The following MECOM variants were observed in gnomAD, a reference collection of about 807,000 sequenced individuals.
The protein encoded by MECOM is histone-lysine N-methyltransferase MECOM.
MECOM carries 13 observed loss-of-function variants against 116.3 expected under a neutral mutation model. The ratio of observed to expected loss-of-function variants is 0.11; its 90% CI spans 0.07 to 0.18. The LOEUF (loss-of-function observed/expected upper bound fraction) is 0.18. Among genes scored for constraint, MECOM ranks in the 10% least tolerant of loss-of-function variants. The pLI, the probability that MECOM is intolerant of heterozygous loss-of-function variation, is 1.00. For missense variants in MECOM, 1,299 were observed against 1,509.0 expected (o/e 0.86, Z 2.31); for synonymous variants, 528 against 535.2 (o/e 0.99, Z 0.19).
At chr3:169,347,280 A>C (rs534321336) in intron 2 of MECOM, among the ~76,000 whole-genome samples, 1 of 152,186 alleles carries the variant, frequency 6.6e-6, no homozygotes, top group South Asian at 2.1e-4. Context: ...AGTTAATTAA[A>C]TAAATATTTA....
In MECOM at chr3:169,507,650, C is replaced by CTTTTTTTTTT. The variant is rs1165167849; in HGVS notation, c.38-126136_38-126127dup. Among the ~76,000 whole-genome samples, 212 of 57,138 alleles carry CTTTTTTTTTT rather than the reference C, an allele frequency of 3.7e-3. 49 individuals are homozygous for CTTTTTTTTTT. Among genetic ancestry groups the CTTTTTTTTTT allele is most frequent in the African/African-American group, 0.014 (177 of 12,228 alleles). 37.5% of individuals were successfully genotyped at this position (57,138 alleles called of 152,430 possible). ...CAATTTTGGTTTAAATCCCCACTTG[C>CTTTTTTTTTT]TTTTTTTTTTTTTTTTTTTTTTTTT... On this transcript the variant is annotated intron_variant, in intron 1 of 16. Transcript: ENST00000651503.
intron 2 of MECOM, among the ~76,000 whole-genome samples, chr3:169,225,859 C>T (rs113442229): frequency 0.047 from 7,148 of 152,270 alleles, 572 homozygotes; most frequent in African/African-American, 0.16. Context: ...CCGCCTGCCT[C>T]GGCCTCCCAA....
chr3:169,482,502 T>C (rs886807447), intron 1 of MECOM, among the ~76,000 whole-genome samples: 1 of 151,934 alleles, frequency 6.6e-6, no homozygotes, highest in Non-Finnish European at 1.5e-5. Flanking sequence ...GCCCGGCTAA[T>C]TTTTTGTATA....
intron 2 of MECOM, among the ~76,000 whole-genome samples, chr3:169,321,627 C>T (rs972951402): frequency 3.9e-5 from 6 of 152,116 alleles, no homozygotes; most frequent in African/African-American, 1.2e-4. Context: ...TAAACAAAGC[C>T]TTGAAGAGTT....
Position 169,439,212 on chromosome 3 carries a change from G to A in MECOM, c.38-57688C>T, listed in dbSNP as rs1267818776. Among the ~76,000 whole-genome samples, 6 of 146,520 alleles carry A rather than the reference G, an allele frequency of 4.1e-5. No individual in the cohort carries two copies. In the Admixed American group the frequency reaches 4.1e-4, roughly 10 times the overall value. On this transcript the variant is annotated intron_variant, in intron 1 of 16. Coordinates refer to ENST00000651503, the MANE Select transcript of MECOM (RefSeq NM_004991.4). ...TCCAGAATACTTCTAAAATAAAACA[G>A]ACTACATTAAAATAAGACCTTCTGT...
chr3:169,612,993 C>G (rs1055060713), intron 1 of MECOM, among the ~76,000 whole-genome samples: 1 of 152,172 alleles, frequency 6.6e-6, no homozygotes, highest in Non-Finnish European at 1.5e-5. Flanking sequence ...AACTAAGTAA[C>G]TAAGAAAGTC....
chr3:169,365,202 G>T (rs1219675160), intron 2 of MECOM, among the ~76,000 whole-genome samples: 1 of 151,954 alleles, frequency 6.6e-6, no homozygotes, highest in African/African-American at 2.4e-5. Flanking sequence ...TACTATAGAA[G>T]AACTATAGTC....
intron 1 of MECOM, among the ~76,000 whole-genome samples, chr3:169,480,094 T>A (rs114575990): frequency 1.3e-5 from 2 of 152,150 alleles, no homozygotes; most frequent in African/African-American, 4.8e-5. Flanking sequence ...ACTATTGGTA[T>A]AAAAAAAGTA....
At chr3:169,648,462 G>A (rs115996368) in intron 1 of MECOM, among the ~76,000 whole-genome samples, 3,476 of 152,206 alleles carry the variant, frequency 0.023, 115 homozygotes, top group Non-Finnish European at 0.027. Context: ...GTCAAACCAC[G>A]GTCTCTGCTG....
chr3:169,089,564 A>C (rs935609037), intron 15 of MECOM, among the ~76,000 whole-genome samples: 1 of 152,076 alleles, frequency 6.6e-6, no homozygotes, highest in African/African-American at 2.4e-5. Context: ...CTGTTTGGTT[A>C]TTTCTTTTCA....
At chr3:169,328,358 C>T (rs752050497) in intron 2 of MECOM, among the ~76,000 whole-genome samples, 13 of 152,258 alleles carry the variant, frequency 8.5e-5, no homozygotes, top group Admixed American at 1.3e-4. Flanking sequence ...TCAACTAGAT[C>T]GTGTTTCAAG....
chr3:169,428,272 C>A (rs547203110), intron 1 of MECOM, among the ~76,000 whole-genome samples: 1 of 152,260 alleles, frequency 6.6e-6, no homozygotes, highest in East Asian at 1.9e-4. Flanking sequence ...AACCAGGGAC[C>A]TGTTTCATGG....
intron 1 of MECOM, among the ~76,000 whole-genome samples, chr3:169,475,181 T>C (rs1418650839): frequency 6.6e-6 from 1 of 152,234 alleles, no homozygotes; most frequent in Non-Finnish European, 1.5e-5. Flanking sequence ...CATATAATTC[T>C]ATAGGGGAAA....
At chr3:169,322,997 T>TTAAAAAAAAA (rs1270690613) in intron 2 of MECOM, among the ~76,000 whole-genome samples, 1 of 56,024 alleles carries the variant, frequency 1.8e-5, no homozygotes, top group African/African-American at 7.0e-5. Flanking sequence ...AAGACTCCGG[T>TTAAAAAAAAA]AAAAAAAAAA....
intron 2 of MECOM, among the ~76,000 whole-genome samples, chr3:169,253,198 A>C (rs540491372): frequency 1.8e-4 from 27 of 152,296 alleles, no homozygotes; most frequent in African/African-American, 6.3e-4. Flanking sequence ...GGAAATAGCA[A>C]CAATGCTCAC....
At chr3:169,458,622 C>T (rs966266444) in intron 1 of MECOM, among the ~76,000 whole-genome samples, 1 of 152,226 alleles carries the variant, frequency 6.6e-6, no homozygotes, top group Non-Finnish European at 1.5e-5. Flanking sequence ...GCAATCATGT[C>T]TTGCCTCATG....
intron 2 of MECOM, among the ~76,000 whole-genome samples, chr3:169,264,186 A>G (rs988283166): frequency 5.3e-5 from 8 of 152,194 alleles, no homozygotes; most frequent in Admixed American, 6.5e-5. Flanking sequence ...CTAACAACCA[A>G]AATGGGAAAA....
chr3:169,648,831 C>T (rs1420007668), intron 1 of MECOM, among the ~76,000 whole-genome samples: 1 of 152,186 alleles, frequency 6.6e-6, no homozygotes, highest in Non-Finnish European at 1.5e-5. Context: ...AGCAGAAAGA[C>T]ACACCTTTGG....
chr3:169,579,153 A>C (rs1410358050), intron 1 of MECOM, among the ~76,000 whole-genome samples: 4 of 152,162 alleles, frequency 2.6e-5, no homozygotes, highest in Non-Finnish European at 5.9e-5. Flanking sequence ...GAGTCTGCAG[A>C]GCCCCTTTAG....
Sources: allele counts gnomAD v4.1 joint callset (sites outside exome capture counted in the v4.1 genomes callset), GRCh38; gene constraint gnomAD v4.1.1; transcripts MANE v1.5; gene names NCBI Gene and HGNC (gene_info 2026-07-23, HGNC 2026-07-21).